Variants in PRKCA observed in about 807,000 individuals in gnomAD.
The protein encoded by PRKCA is protein kinase C alpha type.
PRKCA carries 27 observed loss-of-function variants against 87.0 expected under a neutral mutation model. That is an observed-to-expected ratio of 0.31 (90% confidence interval 0.23 to 0.43). PRKCA has a LOEUF of 0.43. Among genes scored for constraint, PRKCA ranks in the 20% least tolerant of loss-of-function variants. The probability of loss-of-function intolerance (pLI) is 1.00; values close to 1 mark genes in which losing one functional copy is unlikely to be tolerated. For missense variants in PRKCA, 518 were observed against 852.3 expected, an observed-to-expected ratio of 0.61 and a Z score of 4.88; for synonymous variants, 329 against 311.1, an observed-to-expected ratio of 1.06 and a Z score of -0.61.
intron 13 of PRKCA, among the ~76,000 whole-genome samples, chr17:66,767,082 A>C (rs946781761): frequency 1.2e-4 from 18 of 152,286 alleles, no homozygotes; most frequent in African/African-American, 4.1e-4. Flanking sequence ...CTTTAAAATA[A>C]ATGTGTCAGT....
chr17:66,528,221 CAAAAAAAAA>C (rs60533049), intron 3 of PRKCA, among the ~76,000 whole-genome samples: 2 of 85,948 alleles, frequency 2.3e-5, no homozygotes, highest in Non-Finnish European at 4.5e-5. Context: ...AACTCTGTCT[CAAAAAAAAA>C]AAAAAAAAAA....
chr17:66,337,533 G>A (rs1906776899), intron 2 of PRKCA, among the ~76,000 whole-genome samples: 1 of 152,002 alleles, frequency 6.6e-6, no homozygotes, highest in South Asian at 2.1e-4. Context: ...GAGACTACCG[G>A]TGGTTGCCAC....
In PRKCA at chr17:66,462,143, A is replaced by G. The variant is rs537152614; in HGVS notation, c.206-34058A>G. On this transcript the variant is annotated intron_variant, in intron 2 of 16. Transcript: ENST00000413366. Reference sequence around the variant, plus strand: ...TGTTTGAACTCAAGTTGGACAGACAAATCCCTTCATGGATGGAAGCTGGCT... The same window carrying G: ...TGTTTGAACTCAAGTTGGACAGACAGATCCCTTCATGGATGGAAGCTGGCT... 2.4e-4 allele frequency among the ~76,000 whole-genome samples: 37 copies of G among 152,274 alleles called. 2 individuals carry two copies. The South Asian group carries it at 7.7e-3, about 32-fold the overall frequency.
At chr17:66,332,695 A>ATT (rs11405379) in intron 2 of PRKCA, among the ~76,000 whole-genome samples, 1,606 of 142,926 alleles carry the variant, frequency 0.011, 32 homozygotes, top group African/African-American at 0.036. Flanking sequence ...TTTGTTTTTA[A>ATT]TTTTTTTTTT....
intron 3 of PRKCA, among the ~76,000 whole-genome samples, chr17:66,496,488 C>A (rs1425517039): frequency 6.6e-6 from 1 of 152,196 alleles, no homozygotes; most frequent in African/African-American, 2.4e-5. Flanking sequence ...AGGAGAATTT[C>A]TTGGTAGCAT....
intron 5 of PRKCA, among the ~76,000 whole-genome samples, chr17:66,670,919 A>G (rs73328238): frequency 0.15 from 22,890 of 151,948 alleles, 1,974 homozygotes; most frequent in East Asian, 0.29. Flanking sequence ...AGAGTATAGT[A>G]AAAGAGTGAA....
chr17:66,562,151 A>AAATATATATAATT (rs1968722702), intron 3 of PRKCA, among the ~76,000 whole-genome samples: 1 of 85,138 alleles, frequency 1.2e-5, no homozygotes, highest in Non-Finnish European at 2.2e-5. Flanking sequence ...ATATATAATT[A>AAATATATATAATT]AATTATATAT....
chr17:66,380,607 A>G (rs79757961), intron 2 of PRKCA, among the ~76,000 whole-genome samples: 1 of 152,176 alleles, frequency 6.6e-6, no homozygotes, highest in Non-Finnish European at 1.5e-5. Flanking sequence ...TTATTGTATA[A>G]ATATATGCTA....
intron 3 of PRKCA, among the ~76,000 whole-genome samples, chr17:66,622,318 G>T (rs1054047273): frequency 1.3e-5 from 2 of 152,176 alleles, no homozygotes; most frequent in African/African-American, 4.8e-5. Context: ...TGTAACCTGA[G>T]AAATGAGATT....
chr17:66,653,495 G>A (rs1176600820), intron 5 of PRKCA, among the ~76,000 whole-genome samples: 1 of 152,198 alleles, frequency 6.6e-6, no homozygotes, highest in South Asian at 2.1e-4. Flanking sequence ...GGAGGCTGAG[G>A]CAGAAGGATC....
chr17:66,662,920 C>A (rs1971946601), intron 5 of PRKCA, among the ~76,000 whole-genome samples: 1 of 152,130 alleles, frequency 6.6e-6, no homozygotes, highest in African/African-American at 2.4e-5. Context: ...AAGTACATTT[C>A]TCAGAGAATC....
At chr17:66,494,205 G>A (rs1916367227) in intron 2 of PRKCA, among the ~76,000 whole-genome samples, 4 of 152,176 alleles carry the variant, frequency 2.6e-5, no homozygotes, top group African/African-American at 9.7e-5. Flanking sequence ...TTGGTGAGAG[G>A]AGAAAATAGC....
chr17:66,442,599 C>T (rs1913830253), intron 2 of PRKCA, among the ~76,000 whole-genome samples: 3 of 152,128 alleles, frequency 2.0e-5, no homozygotes, highest in Admixed American at 2.0e-4. Context: ...CTCCAGCCGC[C>T]TCTCCTCATC....
intron 2 of PRKCA, among the ~76,000 whole-genome samples, chr17:66,437,733 A>AGT (rs1567828446): frequency 5.3e-4 from 2 of 3,768 alleles, no homozygotes; most frequent in African/African-American, 1.1e-3. Flanking sequence ...TTTTTTTTTG[A>AGT]GCGGGGGGTG....
At chr17:66,743,328 A>G (rs61761556) in intron 13 of PRKCA, among the ~76,000 whole-genome samples, 2 of 152,146 alleles carry the variant, frequency 1.3e-5, no homozygotes, top group Non-Finnish European at 2.9e-5. Context: ...CTGTCCCCCC[A>G]AAAAAAGAAA....
intron 3 of PRKCA, among the ~76,000 whole-genome samples, chr17:66,566,811 T>G (rs1225329899): frequency 6.6e-6 from 1 of 152,096 alleles, no homozygotes; most frequent in Non-Finnish European, 1.5e-5. Flanking sequence ...GTTTGGTGTT[T>G]GGGACACAGC....
chr17:66,519,348 T>C (rs1967078934), intron 3 of PRKCA, among the ~76,000 whole-genome samples: 1 of 152,186 alleles, frequency 6.6e-6, no homozygotes, highest in South Asian at 2.1e-4. Context: ...AGCTAGAATG[T>C]TTTTATTAGC....
chr17:66,714,535 T>G (rs1483862739), intron 8 of PRKCA, among the ~76,000 whole-genome samples: 2 of 152,186 alleles, frequency 1.3e-5, no homozygotes, highest in Non-Finnish European at 1.5e-5. Context: ...CCCTCGTCTC[T>G]TCCCCCTTCC....
intron 2 of PRKCA, among the ~76,000 whole-genome samples, chr17:66,390,161 G>A (rs1334733593): frequency 6.6e-6 from 1 of 152,146 alleles, no homozygotes; most frequent in African/African-American, 2.4e-5. Flanking sequence ...GGTGGAGGGT[G>A]CAGTGACCTG....
Sources: gnomAD v4.1 joint callset for allele counts (sites outside exome capture counted in the v4.1 genomes callset) on GRCh38, gnomAD v4.1.1 for gene constraint, MANE v1.5 for transcripts, NCBI Gene and HGNC (gene_info 2026-07-23, HGNC 2026-07-21) for gene names.